The following GRM5 variants were observed in gnomAD, a reference collection of about 807,000 sequenced individuals.
The protein encoded by GRM5 is glutamate metabotropic receptor 5.
GRM5 carries 19 observed loss-of-function variants against 83.1 expected under a neutral mutation model. The ratio of observed to expected loss-of-function variants is 0.23; its 90% CI spans 0.16 to 0.34. The LOEUF is 0.34. Ranked by LOEUF, GRM5 falls within the 10% of genes least tolerant of loss-of-function variation. GRM5 has a pLI of 1.00. For missense variants in GRM5, 1,160 were observed against 1,588.3 expected (o/e 0.73, Z 4.58); for synonymous variants, 675 against 633.6 (o/e 1.07, Z -0.98).
At chr11:88,877,356 G>A (rs1200808912) in intron 2 of GRM5, among the ~76,000 whole-genome samples, 1 of 152,008 alleles carries the variant, frequency 6.6e-6, no homozygotes, top group Non-Finnish European at 1.5e-5. Context: ...AAAGACTACA[G>A]TGAAAAAAAG....
intron 3 of GRM5, among the ~76,000 whole-genome samples, chr11:88,824,945 C>T (rs1943868544): frequency 6.6e-6 from 1 of 152,158 alleles, no homozygotes; most frequent in Non-Finnish European, 1.5e-5. Context: ...ACATATACTA[C>T]ATGCATAGTC....
intron 3 of GRM5, among the ~76,000 whole-genome samples, chr11:88,841,943 A>G (rs573317798): frequency 1.3e-5 from 2 of 152,340 alleles, no homozygotes; most frequent in South Asian, 4.1e-4. Context: ...GATACTCATA[A>G]TACTTGAGAT....
intron 2 of GRM5, among the ~76,000 whole-genome samples, chr11:88,998,768 G>A (rs1398885739): frequency 6.6e-6 from 1 of 152,058 alleles, no homozygotes; most frequent in Non-Finnish European, 1.5e-5. Context: ...AAAATCAAAT[G>A]TATTTTTATA....
At chr11:88,995,764 T>C (rs1411523133) in intron 2 of GRM5, among the ~76,000 whole-genome samples, 2 of 152,090 alleles carry the variant, frequency 1.3e-5, no homozygotes, top group African/African-American at 2.4e-5. Flanking sequence ...AAAAATGGTA[T>C]ATAGGTTGTA....
intron 2 of GRM5, among the ~76,000 whole-genome samples, chr11:88,858,051 C>T (rs1373129719): frequency 1.3e-5 from 2 of 152,110 alleles, no homozygotes; most frequent in African/African-American, 4.8e-5. Context: ...TGAACAATGG[C>T]CCAATTATTT....
chr11:88,839,186 A>G (rs1289159550), intron 3 of GRM5, among the ~76,000 whole-genome samples: 1 of 152,142 alleles, frequency 6.6e-6, no homozygotes, highest in Admixed American at 6.5e-5. Context: ...TAAATAAACA[A>G]CTGACCTTTG....
At chr11:88,703,388 A>ATGG (rs59128572) in intron 3 of GRM5, among the ~76,000 whole-genome samples, 1 of 151,602 alleles carries the variant, frequency 6.6e-6, no homozygotes, top group Non-Finnish European at 1.5e-5. Flanking sequence ...CACCTGAGGG[A>ATGG]TGGTATGTAG....
rs184727382 is a variant in GRM5, at chr11:88,516,827, T to C, written c.2727-7323A>G. 6.2e-4 allele frequency among the ~76,000 whole-genome samples: 95 copies of C among 152,228 alleles called. No homozygotes were observed. The East Asian group carries it at 0.014, about 23-fold the overall frequency. On this transcript the variant is annotated intron_variant, in intron 9 of 9. Coordinates refer to ENST00000305447, the MANE Select transcript of GRM5 (RefSeq NM_001143831.3). ...GATGCTGAGCACTGTATCTTTGTACTATTAAAACAAATTTAAATCTACCAT... is the reference window on the plus strand; with the variant it reads ...GATGCTGAGCACTGTATCTTTGTACCATTAAAACAAATTTAAATCTACCAT...
At chr11:88,720,203 G>C (rs1941501652) in intron 3 of GRM5, among the ~76,000 whole-genome samples, 1 of 152,074 alleles carries the variant, frequency 6.6e-6, no homozygotes, top group South Asian at 2.1e-4. Context: ...AGGAAAAATG[G>C]AAGGTCTCTA....
At chr11:88,579,465 G>C (rs945895659) in intron 7 of GRM5, among the ~76,000 whole-genome samples, 2 of 152,158 alleles carry the variant, frequency 1.3e-5, no homozygotes, top group East Asian at 3.8e-4. Context: ...GAAAAGAAGA[G>C]GTAGAACTGG....
chr11:89,006,512 A>G (rs1258883574), intron 2 of GRM5, among the ~76,000 whole-genome samples: 1 of 152,034 alleles, frequency 6.6e-6, no homozygotes, highest in Non-Finnish European at 1.5e-5. Context: ...TCACATCCCC[A>G]CTTAAAAGCC....
intron 4 of GRM5, among the ~76,000 whole-genome samples, chr11:88,624,493 C>A (rs1358390603): frequency 6.6e-6 from 1 of 152,082 alleles, no homozygotes; most frequent in South Asian, 2.1e-4. Flanking sequence ...GAGGAAGGAA[C>A]AATGACAAGA....
At chr11:88,581,052 G>A (rs1943205503) in intron 7 of GRM5, among the ~76,000 whole-genome samples, 1 of 152,150 alleles carries the variant, frequency 6.6e-6, no homozygotes, top group Non-Finnish European at 1.5e-5. Context: ...AGGTTGCAGT[G>A]AGCTGAGACA....
chr11:88,977,640 G>C (rs1175299831), intron 2 of GRM5, among the ~76,000 whole-genome samples: 1 of 152,180 alleles, frequency 6.6e-6, no homozygotes, highest in Non-Finnish European at 1.5e-5. Context: ...AAGAATTTGA[G>C]ACTAGCTCAA....
intron 3 of GRM5, among the ~76,000 whole-genome samples, chr11:88,822,297 T>A (rs934041699): frequency 2.6e-5 from 4 of 152,214 alleles, no homozygotes; most frequent in African/African-American, 9.6e-5. Flanking sequence ...GTTGAGCTTA[T>A]GATCTTGCCA....
At chr11:88,870,434 C>A (rs1198541635) in intron 2 of GRM5, among the ~76,000 whole-genome samples, 2 of 107,774 alleles carry the variant, frequency 1.9e-5, no homozygotes, top group Admixed American at 2.2e-4. Flanking sequence ...GAAAAAAATC[C>A]AATTGTGACA....
chr11:88,638,158 G>A (rs575720296), intron 4 of GRM5, among the ~76,000 whole-genome samples: 34 of 116,488 alleles, frequency 2.9e-4, no homozygotes, highest in Non-Finnish European at 8.5e-5. Flanking sequence ...ACTGTGGTGG[G>A]GTGGGGGGAG....
At chr11:88,708,854 A>G (rs1253130433) in intron 3 of GRM5, among the ~76,000 whole-genome samples, 1 of 152,020 alleles carries the variant, frequency 6.6e-6, no homozygotes, top group African/African-American at 2.4e-5. Context: ...TGCTAATTGG[A>G]AAAAAATTCC....
At chr11:88,940,061 T>A (rs969905588) in intron 2 of GRM5, among the ~76,000 whole-genome samples, 2 of 151,944 alleles carry the variant, frequency 1.3e-5, no homozygotes, top group African/African-American at 4.8e-5. Context: ...GCTTACTGAT[T>A]TCTCTCACAC....
Sources: gnomAD v4.1 joint callset for allele counts (sites outside exome capture counted in the v4.1 genomes callset) on GRCh38, gnomAD v4.1.1 for gene constraint, MANE v1.5 for transcripts, NCBI Gene and HGNC (gene_info 2026-07-23, HGNC 2026-07-21) for gene names.